The following ABCA13 variants were observed in gnomAD, a reference collection of about 807,000 sequenced individuals.
The protein encoded by ABCA13 is ATP binding cassette subfamily A member 13, also known as ATP-binding cassette sub-family A member 13.
ABCA13 carries 476 observed loss-of-function variants against 478.7 expected under a neutral mutation model. The ratio of observed to expected loss-of-function variants is 0.99; its 90% confidence interval spans 0.92 to 1.07. The LOEUF is 1.07. Ranked by LOEUF, ABCA13 falls within the 50% of genes least tolerant of loss-of-function variation. The pLI is 0.00. For missense variants in ABCA13, 6,060 were observed against 5,910.6 expected (o/e 1.03, Z -0.83); for synonymous variants, 2,252 against 2,158.9 (o/e 1.04, Z -1.20).
intron 54 of ABCA13, among the ~76,000 whole-genome samples, chr7:48,527,060 G>C (rs548902082): frequency 6.6e-6 from 1 of 152,264 alleles, no homozygotes; most frequent in African/African-American, 2.4e-5. Context: ...AGTCCAGAGA[G>C]GGTGGCTGTG....
At chr7:48,418,796 T>C (rs12536701) in intron 41 of ABCA13, among the ~76,000 whole-genome samples, 1 of 152,012 alleles carries the variant, frequency 6.6e-6, no homozygotes, top group Non-Finnish European at 1.5e-5. Context: ...TTAATCTGTC[T>C]ATATTTTAAT....
chr7:48,592,094 A>G (rs958769406), intron 57 of ABCA13, among the ~76,000 whole-genome samples: 18 of 151,796 alleles, frequency 1.2e-4, no homozygotes, highest in African/African-American at 3.6e-4. Context: ...TGGGCTTATG[A>G]TATATGGCCT....
intron 54 of ABCA13, among the ~76,000 whole-genome samples, chr7:48,525,670 C>CTTTTTTTTTTTTTTTT (rs538127881): frequency 1.5e-5 from 1 of 68,306 alleles, no homozygotes; most frequent in Non-Finnish European, 2.9e-5. Context: ...TTTAGATGCG[C>CTTTTTTTTTTTTTTTT]TTTTTTTTTT....
At chr7:48,263,759 A>C (rs1192610119) in intron 15 of ABCA13, among the ~76,000 whole-genome samples, 4 of 151,894 alleles carry the variant, frequency 2.6e-5, no homozygotes, top group Admixed American at 2.6e-4. Context: ...GAGCTTTTTA[A>C]ATTTTTTAAT....
intron 3 of ABCA13, among the ~76,000 whole-genome samples, chr7:48,209,028 T>G (rs1785285410): frequency 6.6e-6 from 1 of 152,164 alleles, no homozygotes; most frequent in African/African-American, 2.4e-5. Context: ...TTGAATTTTA[T>G]TTAATGCTTT....
At chr7:48,531,268 T>G (rs1001445361) in intron 55 of ABCA13, among the ~76,000 whole-genome samples, 3 of 152,180 alleles carry the variant, frequency 2.0e-5, no homozygotes, top group Non-Finnish European at 4.4e-5. Flanking sequence ...CTTTATGTTT[T>G]TTTGTTTGCT....
Position 48,587,197 on chromosome 7 carries a change from C to T in ABCA13, c.14549C>T (p.Ala4850Val), listed in dbSNP as rs563692415. 1.1e-5 allele frequency: 18 copies of T among 1,612,892 alleles called. No homozygotes were observed. The highest frequency in any genetic ancestry group is 2.7e-5 in the African/African-American group (2 of 75,000). Residue 4850 changes from alanine (A) to valine (V), a missense_variant, in exon 57 of 62, where the codon GCG becomes GTG. Coordinates refer to ENST00000435803, the MANE Select transcript of ABCA13 (RefSeq NM_152701.5). Reference sequence around the variant, plus strand: ...AGGCGCTTACACCTCGAAGCCCACGCGGACAAACCTGTGGCCACCTACAGT... The same window carrying T: ...AGGCGCTTACACCTCGAAGCCCACGTGGACAAACCTGTGGCCACCTACAGT... ...LIRRLHLEAH[A>V]DKPVATYSGG...
chr7:48,471,427 T>C (rs1380787751), intron 44 of ABCA13, 103 bp from the exon 45 acceptor site: 1 of 1,044,830 alleles, frequency 9.6e-7, no homozygotes, highest in African/African-American at 1.6e-5. Context: ...GGGAGATGAT[T>C]ATCTTGTGAA....
intron 39 of ABCA13, among the ~76,000 whole-genome samples, chr7:48,407,578 A>G (rs913483365): frequency 5.6e-4 from 85 of 151,770 alleles, no homozygotes; most frequent in Non-Finnish European, 9.6e-4. Context: ...TTTTTTTGAG[A>G]TGGAGTCTTG....
intron 15 of ABCA13, among the ~76,000 whole-genome samples, chr7:48,254,072 T>C (rs1438662213): frequency 9.2e-5 from 14 of 152,092 alleles, no homozygotes; most frequent in Admixed American, 9.2e-4. Context: ...AAATTCTTTC[T>C]GCAGAATGTG....
rs566540902 is a variant in ABCA13, at chr7:48,377,588, C to T, written c.11335+1016C>T. ...GGGTAAACATAAAAATAATATGGGC[C>T]ACTGAAAAGATCATTTTACACAAAA... is the stretch of plus-strand genomic sequence containing the variant. On this transcript the variant is annotated intron_variant, in intron 35 of 61. Coordinates refer to ENST00000435803, the MANE Select transcript of ABCA13 (RefSeq NM_152701.5). Among the ~76,000 whole-genome samples, 3 of 152,118 alleles carry T rather than the reference C, an allele frequency of 2.0e-5. No homozygotes were observed. The South Asian group carries it at 6.2e-4, about 32-fold the overall frequency.
At chr7:48,549,962 G>A (rs1785159647) in intron 55 of ABCA13, among the ~76,000 whole-genome samples, 1 of 151,824 alleles carries the variant, frequency 6.6e-6, no homozygotes. Context: ...CTGGATATTA[G>A]ACCTTTGTCA....
chr7:48,580,910 C>G (rs1191391379), intron 56 of ABCA13, among the ~76,000 whole-genome samples: 1 of 151,964 alleles, frequency 6.6e-6, no homozygotes, highest in Non-Finnish European at 1.5e-5. Context: ...AACTGAGACC[C>G]CCACCTCCAT....
At chr7:48,346,216 GTA>G (rs1392541893) in intron 29 of ABCA13, among the ~76,000 whole-genome samples, 2 of 152,100 alleles carry the variant, frequency 1.3e-5, no homozygotes, top group Non-Finnish European at 2.9e-5. Flanking sequence ...GCTGTAAGAT[GTA>G]CCTATGTCTC....
chr7:48,219,508 A>G lies in ABCA13; in HGVS notation c.439+3A>G, dbSNP rs1787023716. On this transcript the variant is annotated splice_donor_region_variant and intron_variant, in intron 4 of 61. Coordinates refer to ENST00000435803, the MANE Select transcript of ABCA13 (RefSeq NM_152701.5). ...GGTAGAACGATCCAACACTCCAGGC[A>G]AGTAAACCTCTCATAACTGTGACAC... The G allele has an allele frequency of 6.2e-7, 1 of 1,606,684 alleles. No individual in the cohort carries two copies. The highest frequency in any genetic ancestry group is 1.3e-5 in the African/African-American group (1 of 74,254).
chr7:48,381,321 A>C (rs1360525189), intron 35 of ABCA13, among the ~76,000 whole-genome samples: 4 of 152,012 alleles, frequency 2.6e-5, no homozygotes, highest in Non-Finnish European at 5.9e-5. Flanking sequence ...AGGAGGCAGG[A>C]GGCAGGTGAG....
At chr7:48,470,411 C>T (rs1008004459) in intron 44 of ABCA13, among the ~76,000 whole-genome samples, 1 of 152,176 alleles carries the variant, frequency 6.6e-6, no homozygotes, top group African/African-American at 2.4e-5. Flanking sequence ...TCATCTAAGG[C>T]ATCTGAAGGA....
At chr7:48,597,281 G>A (rs978669802) in intron 58 of ABCA13, among the ~76,000 whole-genome samples, 2 of 152,156 alleles carry the variant, frequency 1.3e-5, no homozygotes, top group African/African-American at 2.4e-5. Context: ...TATCCATTGC[G>A]TTTTATGTCA....
In ABCA13 at chr7:48,639,758, A is replaced by T. The variant is rs552755410; in HGVS notation, c.14838-3530A>T. 1.2e-3 allele frequency among the ~76,000 whole-genome samples: 177 copies of T among 152,326 alleles called. 1 individual carries two copies. Among genetic ancestry groups the T allele is most frequent in the African/African-American group, 4.0e-3 (167 of 41,572 alleles). ...ATCCTGTTATTTTCTAAAGTCTAAG[A>T]TTAGTTTCTATACCAAGAAGAATTT... On this transcript the variant is annotated intron_variant, in intron 59 of 61. Coordinates refer to ENST00000435803, the MANE Select transcript of ABCA13 (RefSeq NM_152701.5).
Sources: allele counts gnomAD v4.1 joint callset (sites outside exome capture counted in the v4.1 genomes callset), GRCh38; gene constraint gnomAD v4.1.1; transcripts MANE v1.5; gene names NCBI Gene and HGNC (gene_info 2026-07-23, HGNC 2026-07-21).